Variants in NCAM2 observed in about 807,000 individuals in gnomAD.
NCAM2 encodes the protein N-CAM-2.
NCAM2 carries 30 observed loss-of-function variants against 98.1 expected under a neutral mutation model. That is an observed-to-expected ratio of 0.31 (90% CI 0.23 to 0.41). The LOEUF is 0.41. Among genes scored for constraint, NCAM2 ranks in the 10% least tolerant of loss-of-function variants. NCAM2 has a pLI of 1.00. For synonymous variants in NCAM2, 368 were observed against 342.4 expected (o/e 1.07, Z -0.83); for missense variants, 867 against 1,005.8 (o/e 0.86, Z 1.87).
intron 6 of NCAM2, among the ~76,000 whole-genome samples, chr21:21,329,983 G>A (rs895502974): frequency 6.6e-6 from 1 of 151,958 alleles, no homozygotes; most frequent in Non-Finnish European, 1.5e-5. Flanking sequence ...CATGTTTTCT[G>A]TAGTATTCTC....
intron 1 of NCAM2, among the ~76,000 whole-genome samples, chr21:21,051,332 C>A (rs372086501): frequency 6.6e-6 from 1 of 152,144 alleles, no homozygotes; most frequent in Non-Finnish European, 1.5e-5. Context: ...TCTGCATCTT[C>A]GCTTCCCCTT....
intron 10 of NCAM2, among the ~76,000 whole-genome samples, chr21:21,413,507 C>T (rs2076928388): frequency 1.3e-5 from 2 of 151,980 alleles, no homozygotes; most frequent in Non-Finnish European, 2.9e-5. Context: ...ACAGATATAC[C>T]TTGGAGATAT....
At chr21:21,432,344 T>C in intron 12 of NCAM2, 63 bp downstream of exon 12, 3 of 1,467,572 alleles carry the variant, frequency 2.0e-6, no homozygotes, top group South Asian at 2.5e-5. Flanking sequence ...ACCTGTATGA[T>C]TGGCTTTTTC....
intron 1 of NCAM2, among the ~76,000 whole-genome samples, chr21:21,222,791 C>G (rs1263080444): frequency 6.6e-6 from 1 of 152,132 alleles, no homozygotes; most frequent in Admixed American, 6.6e-5. Context: ...AAAGCAGCAG[C>G]AAGTTTTGAG....
At chr21:21,193,519 C>T (rs1412705590) in intron 1 of NCAM2, among the ~76,000 whole-genome samples, 204 of 120,260 alleles carry the variant, frequency 1.7e-3, no homozygotes, top group African/African-American at 5.9e-3. Flanking sequence ...TTTTTTGAGA[C>T]GGAGTCTCGC....
In NCAM2 at chr21:21,486,194, C is replaced by T. The variant is rs1374406328; in HGVS notation, c.2077+8723C>T. Among the ~76,000 whole-genome samples, 2 of 149,970 alleles carry T rather than the reference C, an allele frequency of 1.3e-5. 1 individual carries two copies. Among genetic ancestry groups the T allele is most frequent in the South Asian group, 4.2e-4 (2 of 4,740 alleles). On this transcript the variant is annotated intron_variant, in intron 15 of 17. Transcript: ENST00000400546. ...TGGCGGGCGCCTGTAGTCCCAGCTA[C>T]TCGGGAGGCTGAGGCAGGAGCATGG... is the stretch of plus-strand genomic sequence containing the variant.
intron 1 of NCAM2, among the ~76,000 whole-genome samples, chr21:21,217,656 A>G (rs2069961430): frequency 6.6e-6 from 1 of 152,150 alleles, no homozygotes. Flanking sequence ...ATTGATTTTA[A>G]ACTAGAGAGG....
chr21:21,365,426 CTT>C (rs1602117252), intron 8 of NCAM2, among the ~76,000 whole-genome samples: 1 of 151,822 alleles, frequency 6.6e-6, no homozygotes, highest in Non-Finnish European at 1.5e-5. Context: ...TTTCAAGTAA[CTT>C]AATGTCTCAG....
chr21:21,141,032 C>T (rs1433536907), intron 1 of NCAM2, among the ~76,000 whole-genome samples: 3 of 152,136 alleles, frequency 2.0e-5, no homozygotes, highest in Admixed American at 2.0e-4. Flanking sequence ...AAAGACTCTC[C>T]ATTCAGGAAG....
At chr21:21,381,478 T>C (rs1470275917) in intron 9 of NCAM2, among the ~76,000 whole-genome samples, 1 of 152,208 alleles carries the variant, frequency 6.6e-6, no homozygotes, top group African/African-American at 2.4e-5. Flanking sequence ...TTAATTTATA[T>C]ATTGGCAATA....
intron 1 of NCAM2, among the ~76,000 whole-genome samples, chr21:21,095,833 T>C (rs1384055285): frequency 6.6e-6 from 1 of 151,704 alleles, no homozygotes; most frequent in Non-Finnish European, 1.5e-5. Flanking sequence ...GTGAGCTGTG[T>C]TTTATTTATC....
chr21:21,177,694 C>T (rs1484317582), intron 1 of NCAM2, among the ~76,000 whole-genome samples: 3 of 151,158 alleles, frequency 2.0e-5, no homozygotes, highest in African/African-American at 7.3e-5. Flanking sequence ...CATTTCTCAC[C>T]TACTCTCTTT....
chr21:21,032,220 G>T (rs1051059664), intron 1 of NCAM2, among the ~76,000 whole-genome samples: 5 of 152,014 alleles, frequency 3.3e-5, no homozygotes, highest in African/African-American at 1.2e-4. Flanking sequence ...TTTAGCTGGT[G>T]GTGGCATGCA....
At chr21:21,427,220 G>GAAA (rs138485186) in intron 11 of NCAM2, among the ~76,000 whole-genome samples, 3 of 150,402 alleles carry the variant, frequency 2.0e-5, no homozygotes, top group African/African-American at 4.9e-5. Context: ...GAGTGGGATT[G>GAAA]AAAACAAAAA....
At chr21:21,254,202 T>C (rs527818806) in intron 1 of NCAM2, among the ~76,000 whole-genome samples, 1 of 152,318 alleles carries the variant, frequency 6.6e-6, no homozygotes, top group Admixed American at 6.5e-5. Flanking sequence ...TTTAGCGTAT[T>C]ATTCCTTTTA....
intron 1 of NCAM2, among the ~76,000 whole-genome samples, chr21:21,156,597 TAGATAG>T (rs991351649): frequency 3.8e-4 from 58 of 151,912 alleles, no homozygotes; most frequent in African/African-American, 1.3e-3. Flanking sequence ...GATAGATAGA[TAGATAG>T]ATAGATAGAT....
chr21:21,071,870 C>CTGT (rs2065572823), intron 1 of NCAM2, among the ~76,000 whole-genome samples: 34 of 138,172 alleles, frequency 2.5e-4, no homozygotes, highest in African/African-American at 6.8e-4. Flanking sequence ...GTCATGTCTG[C>CTGT]CTATCTATCT....
At chr21:21,282,350 T>C (rs994682319) in intron 2 of NCAM2, among the ~76,000 whole-genome samples, 1 of 151,950 alleles carries the variant, frequency 6.6e-6, no homozygotes, top group African/African-American at 2.4e-5. Context: ...AGACATACTT[T>C]AAAGTGAATT....
At chr21:21,163,891 A>G (rs1189690407) in intron 1 of NCAM2, among the ~76,000 whole-genome samples, 2 of 152,168 alleles carry the variant, frequency 1.3e-5, no homozygotes, top group African/African-American at 4.8e-5. Flanking sequence ...CTTGTGTTCT[A>G]GCTAATAATT....
Sources: allele counts gnomAD v4.1 joint callset (sites outside exome capture counted in the v4.1 genomes callset), GRCh38; gene constraint gnomAD v4.1.1; transcripts MANE v1.5; gene names NCBI Gene and HGNC (gene_info 2026-07-23, HGNC 2026-07-21).